ABCC4: variants seen among roughly 807,000 people sequenced by gnomAD.
The protein encoded by ABCC4 is ATP-binding cassette sub-family C member 4.
ABCC4 carries 102 observed loss-of-function variants against 168.5 expected under a neutral mutation model. That is an observed-to-expected ratio of 0.61 (90% CI 0.52 to 0.71). The LOEUF is 0.71. Ranked by LOEUF, ABCC4 falls within the 30% of genes least tolerant of loss-of-function variation. The pLI is 0.00. For missense variants in ABCC4, 1,402 were observed against 1,605.8 expected, an observed-to-expected ratio of 0.87 and a Z score of 2.17; for synonymous variants, 617 against 590.7, an observed-to-expected ratio of 1.04 and a Z score of -0.65.
chr13:95,197,926 TGGAAAAAA>T (rs1361537920), intron 8 of ABCC4, among the ~76,000 whole-genome samples: 2 of 151,774 alleles, frequency 1.3e-5, no homozygotes, highest in African/African-American at 4.8e-5. Flanking sequence ...TTTCTGTACA[TGGAAAAAA>T]GGAAATTGAA....
At chr13:95,291,186 T>G (rs1329870653) in intron 1 of ABCC4, among the ~76,000 whole-genome samples, 1 of 151,190 alleles carries the variant, frequency 6.6e-6, no homozygotes, top group East Asian at 2.0e-4. Flanking sequence ...AAACCCCACC[T>G]CTACAAAAAA....
At chr13:95,113,398 T>C (rs1012986297) in intron 20 of ABCC4, among the ~76,000 whole-genome samples, 1 of 152,136 alleles carries the variant, frequency 6.6e-6, no homozygotes, top group African/African-American at 2.4e-5. Flanking sequence ...GTTTTAAACA[T>C]TTGGTTGATT....
At chr13:95,241,692 AC>A in intron 3 of ABCC4, among the ~76,000 whole-genome samples, 1 of 152,110 alleles carries the variant, frequency 6.6e-6, no homozygotes. Context: ...TTAGACTAGT[AC>A]TTGTTTCTCT....
At chr13:95,150,976 A>G (rs1218397773) in intron 19 of ABCC4, among the ~76,000 whole-genome samples, 1 of 152,228 alleles carries the variant, frequency 6.6e-6, no homozygotes, top group East Asian at 1.9e-4. Flanking sequence ...TCTTTTGAAC[A>G]CAATTGGTTT....
chr13:95,077,577 A>G (rs972118740), intron 21 of ABCC4, among the ~76,000 whole-genome samples: 1 of 151,990 alleles, frequency 6.6e-6, no homozygotes, highest in African/African-American at 2.4e-5. Flanking sequence ...GGCTCCAGCA[A>G]TCAGGCTGCC....
Position 95,164,527 on chromosome 13 carries a change from G to GA in ABCC4, c.2035-10dup. ...ACTGGGACATTCTCTGTCTGCAGAGGAAAAAAGGTGGTAAGAGACAAAACA... is the reference window on the plus strand; with the variant it reads ...ACTGGGACATTCTCTGTCTGCAGAGGAAAAAAAGGTGGTAAGAGACAAAACA... On this transcript the variant is annotated splice_polypyrimidine_tract_variant and intron_variant, in intron 15 of 30. Transcript: ENST00000645237. 6.2e-7 allele frequency: 1 copy of GA among 1,611,622 alleles called. No individual in the cohort carries two copies. Among genetic ancestry groups the GA allele is most frequent in the South Asian group, 1.1e-5 (1 of 90,692 alleles).
intron 20 of ABCC4, chr13:95,096,117 G>A (rs1219541579): frequency 1.6e-6 from 1 of 609,442 alleles, no homozygotes; most frequent in Non-Finnish European, 2.9e-6. Context: ...CTTGAGGAGG[G>A]AGGAGGATTG....
At chr13:95,149,594 C>G (rs962960803) in intron 19 of ABCC4, among the ~76,000 whole-genome samples, 3 of 152,100 alleles carry the variant, frequency 2.0e-5, no homozygotes, top group African/African-American at 7.2e-5. Flanking sequence ...CATTTCCTTC[C>G]TTCTCTACTT....
At chr13:95,128,374 T>C (rs1271352541) in intron 19 of ABCC4, among the ~76,000 whole-genome samples, 2 of 152,190 alleles carry the variant, frequency 1.3e-5, no homozygotes, top group African/African-American at 4.8e-5. Flanking sequence ...GAATCGAAAC[T>C]CTTTTGTTCT....
At chr13:95,202,533 C>T (rs893072329) in intron 8 of ABCC4, among the ~76,000 whole-genome samples, 4 of 152,122 alleles carry the variant, frequency 2.6e-5, no homozygotes, top group Non-Finnish European at 4.4e-5. Context: ...CGTCCCACCC[C>T]GCCATACCAC....
intron 4 of ABCC4, among the ~76,000 whole-genome samples, chr13:95,233,548 C>T (rs187780293): frequency 1.8e-4 from 28 of 152,200 alleles, no homozygotes; most frequent in East Asian, 3.9e-4. Flanking sequence ...CTATCAGGTA[C>T]CACACTCATG....
At chr13:95,055,216 T>C (rs181097794) in intron 26 of ABCC4, among the ~76,000 whole-genome samples, 25 of 152,366 alleles carry the variant, frequency 1.6e-4, no homozygotes, top group African/African-American at 6.0e-4. Flanking sequence ...ACCATCATTC[T>C]GGTTATTTCA....
chr13:95,165,797 T>C (rs2037251309), intron 15 of ABCC4, among the ~76,000 whole-genome samples: 1 of 152,160 alleles, frequency 6.6e-6, no homozygotes, highest in African/African-American at 2.4e-5. Context: ...AAGGGGGTCT[T>C]CAAATTATGC....
At chr13:95,220,802 G>C (rs1188967579) in intron 4 of ABCC4, among the ~76,000 whole-genome samples, 1 of 152,188 alleles carries the variant, frequency 6.6e-6, no homozygotes, top group East Asian at 1.9e-4. Context: ...ATCCAAAAGA[G>C]AAAATGACCC....
At chr13:95,243,534 C>A (rs2040001073) in intron 3 of ABCC4, among the ~76,000 whole-genome samples, 1 of 152,094 alleles carries the variant, frequency 6.6e-6, no homozygotes, top group African/African-American at 2.4e-5. Context: ...CTTGGGTCAG[C>A]AGGGCTGCAC....
chr13:95,224,669 G>A (rs1383934085), intron 4 of ABCC4, among the ~76,000 whole-genome samples: 8 of 151,988 alleles, frequency 5.3e-5, no homozygotes, highest in East Asian at 1.9e-4. Flanking sequence ...CCCGGGAGGC[G>A]GAGGTTGCAG....
At chr13:95,077,231 G>A (rs1259676739) in intron 21 of ABCC4, among the ~76,000 whole-genome samples, 6 of 152,230 alleles carry the variant, frequency 3.9e-5, no homozygotes, top group African/African-American at 1.4e-4. Flanking sequence ...TGAGATAAAT[G>A]ATTTGTGCTT....
intron 1 of ABCC4, among the ~76,000 whole-genome samples, chr13:95,251,822 C>T (rs2040269716): frequency 6.6e-6 from 1 of 152,172 alleles, no homozygotes; most frequent in African/African-American, 2.4e-5. Context: ...ACAGTCATCC[C>T]CCCATATCCA....
At chr13:95,116,119 T>G in intron 19 of ABCC4, 118 bp from the exon 20 acceptor site, 2 of 648,692 alleles carry the variant, frequency 3.1e-6, no homozygotes, top group Non-Finnish European at 4.9e-6. Flanking sequence ...ATATTATTCA[T>G]ATGAAATAAG....
Sources: gnomAD v4.1 joint callset for allele counts (sites outside exome capture counted in the v4.1 genomes callset) on GRCh38, gnomAD v4.1.1 for gene constraint, MANE v1.5 for transcripts, NCBI Gene and HGNC (gene_info 2026-07-23, HGNC 2026-07-21) for gene names.